The following POLN variants were observed in gnomAD, a reference collection of about 807,000 sequenced individuals.
POLN encodes the protein DNA polymerase N.
Under a neutral mutation model 113.5 loss-of-function variants are expected in POLN, and 108 were observed. The observed-to-expected ratio is 0.95, with a 90% CI of 0.81 to 1.12. The LOEUF is 1.12. POLN is among the 50% of genes most tolerant of loss of function. The probability of loss-of-function intolerance (pLI) is 0.00; values close to 1 mark genes in which losing one functional copy is unlikely to be tolerated. For missense variants in POLN, 1,097 were observed against 1,077.1 expected, an observed-to-expected ratio of 1.02 and a Z score of -0.26; for synonymous variants, 386 against 391.5, an observed-to-expected ratio of 0.99 and a Z score of 0.17.
At chr4:2,117,419 C>T (rs1193403976) in intron 19 of POLN, among the ~76,000 whole-genome samples, 2 of 152,048 alleles carry the variant, frequency 1.3e-5, no homozygotes, top group Admixed American at 6.5e-5. Context: ...TATATTTATC[C>T]CCTCACCATG....
intron 19 of POLN, among the ~76,000 whole-genome samples, chr4:2,125,591 AG>A (rs1731559085): frequency 6.6e-6 from 1 of 152,138 alleles, no homozygotes; most frequent in East Asian, 1.9e-4. Flanking sequence ...GTGGGGTAAG[AG>A]GTGAGCAAGT....
At chr4:2,086,327 G>GA (rs1014161104) in intron 20 of POLN, among the ~76,000 whole-genome samples, 2 of 151,948 alleles carry the variant, frequency 1.3e-5, no homozygotes, top group Non-Finnish European at 2.9e-5. Context: ...AACAAGAAAA[G>GA]AAAAAAAGGA....
At chr4:2,218,822 T>A (rs1189088182) in intron 3 of POLN, among the ~76,000 whole-genome samples, 1 of 152,222 alleles carries the variant, frequency 6.6e-6, no homozygotes, top group Non-Finnish European at 1.5e-5. Context: ...TCATTAGGGC[T>A]ATAACTTGGT....
At position 2,113,290 on chromosome 4, in the gene POLN, G is replaced by T. The variant is rs1311887950; in HGVS notation, c.1982+14823C>A. Among the ~76,000 whole-genome samples the T allele has an allele frequency of 2.0e-5, 3 of 150,712 alleles. No individual in the cohort carries two copies. The East Asian group carries it at 5.9e-4, about 30-fold the overall frequency. ...TTAGGAGATATACCTAATGCTAAAT[G>T]ACGAGTTAATGGGTGCAGCACACCA... On this transcript the variant is annotated intron_variant, in intron 19 of 25. Transcript: ENST00000511885.
intron 3 of POLN, among the ~76,000 whole-genome samples, chr4:2,217,469 A>G (rs1274433272): frequency 6.6e-6 from 1 of 152,202 alleles, no homozygotes; most frequent in Non-Finnish European, 1.5e-5. Context: ...ACCTAGTACT[A>G]AATGAGCCAC....
In POLN at chr4:2,236,353, C is replaced by T. The variant is rs755949745; in HGVS notation, c.-13+5167G>A. ...GCAGATACTGCCAACTGATCTTGTA[C>T]TAAAGAAATATTCTGTTTCAATTTC... is the stretch of plus-strand genomic sequence containing the variant. On this transcript the variant is annotated intron_variant, in intron 2 of 25. Transcript: ENST00000511885. 2.5e-6 allele frequency: 4 copies of T among 1,613,054 alleles called. No homozygotes were observed. The highest frequency in any genetic ancestry group is 8.5e-7 in the Non-Finnish European group (1 of 1,179,128).
At chr4:2,175,269 A>G (rs7356314) in intron 9 of POLN, among the ~76,000 whole-genome samples, 37,498 of 152,060 alleles carry the variant, frequency 0.25, 7,144 homozygotes, top group African/African-American at 0.51. Context: ...ACCAAGATCT[A>G]GTAGAGATAG....
intron 16 of POLN, among the ~76,000 whole-genome samples, chr4:2,143,052 G>A (rs190838655): frequency 1.4e-3 from 217 of 151,944 alleles, no homozygotes; most frequent in African/African-American, 5.0e-3. Flanking sequence ...ACTATAACAT[G>A]TCAAAATGTA....
chr4:2,136,406 T>C (rs1731858091), intron 16 of POLN, among the ~76,000 whole-genome samples: 1 of 152,228 alleles, frequency 6.6e-6, no homozygotes, highest in South Asian at 2.1e-4. Flanking sequence ...CATGGGTTGC[T>C]CTGGGCAGCC....
chr4:2,096,487 A>G (rs1230583747), intron 19 of POLN, among the ~76,000 whole-genome samples: 1 of 152,160 alleles, frequency 6.6e-6, no homozygotes, highest in African/African-American at 2.4e-5. Flanking sequence ...TAAAGCTGAG[A>G]CATCTGAGTA....
chr4:2,232,105 A>G, intron 2 of POLN: 4 of 1,601,708 alleles, frequency 2.5e-6, no homozygotes, highest in Non-Finnish European at 3.4e-6. Context: ...ATCAGTGAGG[A>G]GATGATTTAG....
At chr4:2,092,781 T>G (rs1730698631) in intron 20 of POLN, among the ~76,000 whole-genome samples, 1 of 152,240 alleles carries the variant, frequency 6.6e-6, no homozygotes, top group Non-Finnish European at 1.5e-5. Context: ...AGCTGGTAGG[T>G]GCAAAGCTCC....
chr4:2,130,266 AGAGGAGAGGG>A (rs1279034389), intron 17 of POLN, among the ~76,000 whole-genome samples: 39 of 121,642 alleles, frequency 3.2e-4, no homozygotes, highest in East Asian at 1.7e-3. Flanking sequence ...ACAGAAGAGG[AGAGGAGAGGG>A]GAGGAGAGGG....
intron 13 of POLN, among the ~76,000 whole-genome samples, chr4:2,162,221 C>G (rs534348319): frequency 6.6e-6 from 1 of 152,164 alleles, no homozygotes; most frequent in African/African-American, 2.4e-5. Flanking sequence ...ACACTCACTG[C>G]GAAGGTCTGC....
intron 7 of POLN, among the ~76,000 whole-genome samples, chr4:2,188,001 G>A (rs1477346794): frequency 2.6e-5 from 4 of 152,026 alleles, no homozygotes; most frequent in Admixed American, 1.3e-4. Flanking sequence ...CTATAGTCCC[G>A]ACTACTTGGA....
chr4:2,224,098 A>G (rs563494905), intron 3 of POLN, among the ~76,000 whole-genome samples: 2 of 152,346 alleles, frequency 1.3e-5, no homozygotes, highest in African/African-American at 4.8e-5. Flanking sequence ...CTGAACAAAA[A>G]TATTTTTTCT....
At chr4:2,130,542 T>G (rs1463317391) in intron 17 of POLN, among the ~76,000 whole-genome samples, 1 of 152,200 alleles carries the variant, frequency 6.6e-6, no homozygotes, top group Non-Finnish European at 1.5e-5. Flanking sequence ...AGAAGAGTGT[T>G]CATGTGCTTT....
chr4:2,160,264 C>T (rs547256424), intron 13 of POLN, among the ~76,000 whole-genome samples: 14 of 152,164 alleles, frequency 9.2e-5, no homozygotes, highest in African/African-American at 3.1e-4. Flanking sequence ...TCATTAAGCC[C>T]CTGTTCGTGT....
chr4:2,107,286 T>C (rs1731087738), intron 19 of POLN, among the ~76,000 whole-genome samples: 1 of 152,338 alleles, frequency 6.6e-6, no homozygotes, highest in African/African-American at 2.4e-5. Context: ...CTTCACCAAA[T>C]GATGGGTTCA....
Sources: gnomAD v4.1 joint callset for allele counts (sites outside exome capture counted in the v4.1 genomes callset) on GRCh38, gnomAD v4.1.1 for gene constraint, MANE v1.5 for transcripts, NCBI Gene and HGNC (gene_info 2026-07-23, HGNC 2026-07-21) for gene names.